Variants in FBXO34 observed in about 807,000 individuals in gnomAD.
FBXO34 encodes the protein F-box protein 34.
FBXO34 carries 12 observed loss-of-function variants against 24.5 expected under a neutral mutation model. That is an observed-to-expected ratio of 0.49 (90% CI 0.31 to 0.79). FBXO34 has a LOEUF of 0.79. Ranked by LOEUF, FBXO34 falls within the 30% of genes least tolerant of loss-of-function variation. The probability of loss-of-function intolerance (pLI) is 0.04; values close to 1 mark genes in which losing one functional copy is unlikely to be tolerated. For missense variants in FBXO34, 823 were observed against 857.7 expected (o/e 0.96, Z 0.51); for synonymous variants, 320 against 311.9 (o/e 1.03, Z -0.27).
At chr14:55,423,382 A>C in the FBXO34 span, among the ~76,000 whole-genome samples, 1 of 152,258 alleles carries the variant, frequency 6.6e-6, no homozygotes, top group South Asian at 2.1e-4. Context: ...GCCTTAAACG[A>C]AAGTCCCATT....
At chr14:55,442,721 A>T in the FBXO34 span, among the ~76,000 whole-genome samples, 19 of 151,642 alleles carry the variant, frequency 1.3e-4, no homozygotes, top group Admixed American at 1.2e-3. Flanking sequence ...TAACCTACAC[A>T]TTTTTTTAGC....
At chr14:55,378,178 T>C in the FBXO34 span, 2 of 869,616 alleles carry the variant, frequency 2.3e-6, no homozygotes, top group Non-Finnish European at 3.6e-6. Flanking sequence ...CTCTGTGCCC[T>C]TTTACTCCTT....
chr14:55,326,101 T>C (rs1440379393), intron 1 of FBXO34: 1 of 152,216 alleles, frequency 6.6e-6, no homozygotes, highest in Non-Finnish European at 1.5e-5. Flanking sequence ...TAAACATCCT[T>C]AGCATACACA....
At chr14:55,436,470 C>T in the FBXO34 span, 1 of 1,111,966 alleles carries the variant, frequency 9.0e-7, no homozygotes, top group Non-Finnish European at 1.3e-6. Flanking sequence ...AATTCTCTTC[C>T]CTACTATTAT....
At chr14:55,360,432 A>C (rs1884578795) in intron 3 of FBXO34, among the ~76,000 whole-genome samples, 1 of 152,196 alleles carries the variant, frequency 6.6e-6, no homozygotes, top group East Asian at 1.9e-4. Context: ...TTCAAGTTTT[A>C]TTATGAGATT....
intron 1 of FBXO34, among the ~76,000 whole-genome samples, chr14:55,311,607 G>A (rs1227075861): frequency 1.3e-5 from 2 of 152,212 alleles, no homozygotes; most frequent in Non-Finnish European, 2.9e-5. Context: ...CAGTGGATCG[G>A]ATACAGGCAT....
chr14:55,322,771 T>G (rs967607120), intron 1 of FBXO34, among the ~76,000 whole-genome samples: 3 of 152,170 alleles, frequency 2.0e-5, no homozygotes, highest in Non-Finnish European at 4.4e-5. Context: ...GTAATTTATA[T>G]CTTTAGGAAG....
chr14:55,383,660 T>C, the FBXO34 span, among the ~76,000 whole-genome samples: 1 of 151,446 alleles, frequency 6.6e-6, no homozygotes, highest in African/African-American at 2.4e-5. Flanking sequence ...TTCCAGCACT[T>C]TGGAAGGTCA....
At chr14:55,424,127 T>C in the FBXO34 span, 3 of 1,512,982 alleles carry the variant, frequency 2.0e-6, no homozygotes, top group Non-Finnish European at 2.8e-6. Flanking sequence ...GCAATTACAT[T>C]TTATGAGTCA....
At chr14:55,381,853 T>A in the FBXO34 span, 1 of 847,504 alleles carries the variant, frequency 1.2e-6, no homozygotes, top group Non-Finnish European at 1.9e-6. Flanking sequence ...GTGCTGTGAA[T>A]GTACTAAATG....
the FBXO34 span, chr14:55,436,476 A>G: frequency 5.9e-6 from 7 of 1,179,970 alleles, no homozygotes; most frequent in Admixed American, 1.6e-4. Context: ...CTTCCCTACT[A>G]TTATCCTGAA....
At chr14:55,329,252 C>G (rs983755538) in intron 1 of FBXO34, among the ~76,000 whole-genome samples, 1 of 151,796 alleles carries the variant, frequency 6.6e-6, no homozygotes, top group African/African-American at 2.4e-5. Context: ...ATGAATGTGT[C>G]GTAGACTCCT....
chr14:55,412,470 T>G, the FBXO34 span, among the ~76,000 whole-genome samples: 7 of 152,318 alleles, frequency 4.6e-5, no homozygotes, highest in Non-Finnish European at 1.0e-4. Context: ...GTTAATCACG[T>G]GGCTAACGTA....
chr14:55,293,845 T>C (rs1423051799), intron 1 of FBXO34, among the ~76,000 whole-genome samples: 2 of 151,918 alleles, frequency 1.3e-5, no homozygotes, highest in Non-Finnish European at 2.9e-5. Context: ...TTTTTTTTTT[T>C]CCTTCCCTAG....
chr14:55,359,916 CAAAA>C (rs34051939), intron 3 of FBXO34, among the ~76,000 whole-genome samples: 6 of 95,154 alleles, frequency 6.3e-5, no homozygotes, highest in Admixed American at 2.3e-4. Context: ...CTTGTGCCTA[CAAAA>C]AAAAAAAAAA....
chr14:55,377,672 C>G, the FBXO34 span: 1 of 467,762 alleles, frequency 2.1e-6, no homozygotes, highest in African/African-American at 2.0e-5. Context: ...ATATAATTAC[C>G]TTTGTTTCTT....
the FBXO34 span, among the ~76,000 whole-genome samples, chr14:55,430,509 T>C: frequency 1.3e-5 from 2 of 151,826 alleles, no homozygotes; most frequent in Admixed American, 1.3e-4. Context: ...TGGCCTTAAG[T>C]GATCCTCCTG....
intron 1 of FBXO34, among the ~76,000 whole-genome samples, chr14:55,300,010 A>G (rs1481152934): frequency 1.3e-5 from 2 of 152,206 alleles, no homozygotes; most frequent in African/African-American, 4.8e-5. Flanking sequence ...TTGGCAGTCT[A>G]GTAAGAATCC....
the FBXO34 span, among the ~76,000 whole-genome samples, chr14:55,388,968 G>A: frequency 2.0e-5 from 3 of 152,000 alleles, no homozygotes; most frequent in East Asian, 5.8e-4. Flanking sequence ...TCAACATGGC[G>A]ATTTGACATT....
Sources: allele counts gnomAD v4.1 joint callset (sites outside exome capture counted in the v4.1 genomes callset), GRCh38; gene constraint gnomAD v4.1.1; transcripts MANE v1.5; gene names NCBI Gene and HGNC (gene_info 2026-07-23, HGNC 2026-07-21).